The following NDUFA2 variants were observed in gnomAD, a reference collection of about 807,000 sequenced individuals.
NDUFA2 encodes NADH dehydrogenase [ubiquinone] 1 alpha subcomplex subunit 2.
In NDUFA2, 9 loss-of-function variants were observed where a neutral mutation model predicts 11.4. That is an observed-to-expected ratio of 0.79 (90% confidence interval 0.48 to 1.38). The LOEUF (loss-of-function observed/expected upper bound fraction) is 1.38. NDUFA2 is among the 40% of genes most tolerant of loss of function. The probability of loss-of-function intolerance (pLI) is 0.00; values close to 1 mark genes in which losing one functional copy is unlikely to be tolerated. For synonymous variants in NDUFA2, 49 were observed against 54.0 expected (o/e 0.91, Z 0.41); for missense variants, 150 against 131.2 (o/e 1.14, Z -0.70).
chr5:140,645,679 C>T lies in NDUFA2; in HGVS notation c.209-1G>A. Reference sequence around the variant, plus strand: ...GGGACATTCGTCTCTTGGCCAAATGCTGAAGAGAGAGAGGGAGGTGTCTTT... The same window carrying T: ...GGGACATTCGTCTCTTGGCCAAATGTTGAAGAGAGAGAGGGAGGTGTCTTT... On this transcript the variant is annotated splice_acceptor_variant, in intron 2 of 2. Coordinates refer to ENST00000252102, the MANE Select transcript of NDUFA2 (RefSeq NM_002488.5). LOFTEE classifies it high-confidence loss of function. 6.2e-7 allele frequency: 1 copy of T among 1,614,142 alleles called. No homozygotes were observed. The highest frequency in any genetic ancestry group is 1.7e-5 in the Admixed American group (1 of 60,026).
At chr5:140,646,484 A>G (rs1757407943) in intron 2 of NDUFA2, among the ~76,000 whole-genome samples, 2 of 151,576 alleles carry the variant, frequency 1.3e-5, no homozygotes, top group South Asian at 2.1e-4. Flanking sequence ...ACAGATATCT[A>G]CTCTGAGAAC....
At position 140,645,565 on chromosome 5, in the gene NDUFA2, C is replaced by T; in HGVS notation, c.*22G>A. On this transcript the variant is annotated 3_prime_UTR_variant, in exon 3 of 3. Transcript: ENST00000252102. Reference sequence around the variant, plus strand: ...CAGAGCCCAGGCTCTGGGGCTGTTGCTCTTAATCCTCAGTGGAGGCTTCAG... The same window carrying T: ...CAGAGCCCAGGCTCTGGGGCTGTTGTTCTTAATCCTCAGTGGAGGCTTCAG... 2 of 1,614,016 alleles carry T rather than the reference C, an allele frequency of 1.2e-6. No individual in the cohort carries two copies. Among genetic ancestry groups the T allele is most frequent in the Non-Finnish European group, 8.5e-7 (1 of 1,179,986 alleles).
chr5:140,647,572 G>A lies in NDUFA2; in HGVS notation c.12C>T (p.Ala4=). The A allele has an allele frequency of 2.5e-6, 4 of 1,610,418 alleles. No homozygotes were observed. The highest frequency in any genetic ancestry group is 3.4e-6 in the Non-Finnish European group (4 of 1,179,956). ...TTGCCCCGACTCCTCGACTTGCTGC[G>A]GCCGCCGCCATCCTTGTTAATATCG... MAA[A]AASRGVGAKL... is the part of the protein sequence containing the mutation. The change falls in exon 1 of 3, where the codon GCC becomes GCT. Residue 4 remains alanine (A), a synonymous_variant. Coordinates refer to ENST00000252102, the MANE Select transcript of NDUFA2 (RefSeq NM_002488.5).
In NDUFA2 at chr5:140,645,662, C is replaced by T. The variant is rs112106311; in HGVS notation, c.225G>A (p.Thr75=). ...CACTGAAGTTGTTCAAAGGGACATT[C>T]GTCTCTTGGCCAAATGCTGAAGAGA... is the stretch of plus-strand genomic sequence containing the variant. The part of the protein sequence containing the change: ...LWARYAFGQE[T]NVPLNNFSAD... Residue 75 remains threonine, a synonymous_variant, in exon 3 of 3, where the codon ACG becomes ACA. Coordinates refer to ENST00000252102, the MANE Select transcript of NDUFA2 (RefSeq NM_002488.5). 31 of 1,613,982 alleles carry T rather than the reference C, an allele frequency of 1.9e-5. No homozygotes were observed. The East Asian group carries it at 2.2e-4, about 12-fold the overall frequency.
Position 140,647,306 on chromosome 5 carries a change from A to G in NDUFA2, c.158T>C (p.Ile53Thr). The G allele has an allele frequency of 6.3e-7, 1 of 1,588,726 alleles. No homozygotes were observed. The change falls in exon 2 of 3, where the codon ATC becomes ACC. Residue 53 changes from isoleucine to threonine, a missense_variant. Transcript: ENST00000252102. ...ELKKANPDLPILIRECSDVQP... is the reference protein window; with the variant it reads ...ELKKANPDLPTLIRECSDVQP... ...CACATCGGAGCATTCGCGGATTAGG[A>G]TGGGTAGGTCGGGATTCGCCTTCTT...
At chr5:140,647,058 A>G in intron 2 of NDUFA2, 198 bp downstream of exon 2, 2 of 621,546 alleles carry the variant, frequency 3.2e-6, no homozygotes, top group South Asian at 2.5e-5. Context: ...GTCAGCCTGC[A>G]TACTTATGTT....
chr5:140,645,958 G>T (rs1757369282), intron 2 of NDUFA2, among the ~76,000 whole-genome samples: 1 of 151,786 alleles, frequency 6.6e-6, no homozygotes, highest in Non-Finnish European at 1.5e-5. Flanking sequence ...ATTAACTACG[G>T]TGAGCAATGT....
rs997157236 is a variant in NDUFA2, at chr5:140,645,333, G to A, written c.*254C>T. 36 of 733,464 alleles carry A rather than the reference G, an allele frequency of 4.9e-5. No individual in the cohort carries two copies. The highest frequency in any genetic ancestry group is 6.9e-5 in the Non-Finnish European group (29 of 420,384). The allele number at this position is 733,464 out of a possible 1,614,324, so 45.4% of individuals were successfully genotyped here. On this transcript the variant is annotated 3_prime_UTR_variant, in exon 3 of 3. Coordinates refer to ENST00000252102, the MANE Select transcript of NDUFA2 (RefSeq NM_002488.5). Reference sequence around the variant, plus strand: ...GGGGCCCTAGAATCCCTGCCCCCCCGCCACCCTTCATGTTTGCTTCAGCAG... The same window carrying A: ...GGGGCCCTAGAATCCCTGCCCCCCCACCACCCTTCATGTTTGCTTCAGCAG...
intron 2 of NDUFA2, chr5:140,647,030 G>A (rs541407002): frequency 3.9e-6 from 2 of 507,396 alleles, no homozygotes; most frequent in East Asian, 3.3e-5. Context: ...TCAGCTCCTG[G>A]TCCCTACGCA....
intron 2 of NDUFA2, among the ~76,000 whole-genome samples, chr5:140,646,584 T>C (rs2149802116): frequency 6.6e-6 from 1 of 152,256 alleles, no homozygotes; most frequent in East Asian, 1.9e-4. Context: ...AATCCTGTTA[T>C]TCAGTATGTA....
intron 2 of NDUFA2, among the ~76,000 whole-genome samples, chr5:140,646,171 C>T (rs1261644705): frequency 3.9e-5 from 6 of 152,014 alleles, no homozygotes; most frequent in Admixed American, 6.6e-5. Context: ...CCACCACACC[C>T]GGCTAATTTT....
chr5:140,647,278 C>T lies in NDUFA2; in HGVS notation c.186G>A (p.Gln62=), dbSNP rs1285249515. ...PILIRECSDV[Q]PKLWARYAFG... ...CACCGTAGCGGGCCCAGAGCTTGGGCTGCACATCGGAGCATTCGCGGATTA... is the reference window on the plus strand; with the variant it reads ...CACCGTAGCGGGCCCAGAGCTTGGGTTGCACATCGGAGCATTCGCGGATTA... The change falls in exon 2 of 3, where the codon CAG becomes CAA. Residue 62 remains glutamine (Q), a synonymous_variant. Transcript: ENST00000252102. The T allele has an allele frequency of 6.4e-7, 1 of 1,563,710 alleles. No homozygotes were observed. The highest frequency in any genetic ancestry group is 1.8e-5 in the Admixed American group (1 of 55,142).
At chr5:140,647,046 C>T (rs1178073822) in intron 2 of NDUFA2, 5 of 554,706 alleles carry the variant, frequency 9.0e-6, no homozygotes, top group Non-Finnish European at 1.2e-5. Context: ...ACGCAGGATT[C>T]GGTCAGCCTG....
At chr5:140,646,105 G>C (rs558084975) in intron 2 of NDUFA2, among the ~76,000 whole-genome samples, 1 of 151,658 alleles carries the variant, frequency 6.6e-6, no homozygotes, top group East Asian at 1.9e-4. Flanking sequence ...CCACCTCCTG[G>C]GTTCAAGCAA....
rs375081685 is a variant in NDUFA2, at chr5:140,647,245, C to T, written c.208+11G>A. 6 of 1,539,086 alleles carry T rather than the reference C, an allele frequency of 3.9e-6. No homozygotes were observed. The highest frequency in any genetic ancestry group is 4.4e-6 in the Non-Finnish European group (5 of 1,143,584). On this transcript the variant is annotated intron_variant, in intron 2 of 2. Transcript: ENST00000252102. ...TACCGGAGCCCCAGACCCCTGGCGT[C>T]CCGCACTCACCGTAGCGGGCCCAGA...
chr5:140,646,524 A>G (rs1757412113), intron 2 of NDUFA2, among the ~76,000 whole-genome samples: 1 of 151,712 alleles, frequency 6.6e-6, no homozygotes, highest in African/African-American at 2.4e-5. Flanking sequence ...ACTCTCCTCC[A>G]CCTCCTCCCG....
chr5:140,645,604 G>A lies in NDUFA2; in HGVS notation c.283C>T (p.Leu95=). The part of the protein sequence containing the change: ...DQVTRALENV[L]SGKA ...TGGAGGCTTCAGGCTTTACCACTTA[G>A]AACGTTCTCCAGGGCTCTGGTTACC... is the stretch of plus-strand genomic sequence containing the variant. The change falls in exon 3 of 3, where the codon CTA becomes TTA. Residue 95 remains leucine (L), a synonymous_variant. Transcript: ENST00000252102. The A allele has an allele frequency of 6.2e-7, 1 of 1,614,138 alleles. No homozygotes were observed. The highest frequency in any genetic ancestry group is 8.5e-7 in the Non-Finnish European group (1 of 1,180,034).
In NDUFA2 at chr5:140,645,796, T is replaced by G. The variant is rs928778036; in HGVS notation, c.209-118A>C. 3.3e-6 allele frequency: 5 copies of G among 1,507,900 alleles called. No individual in the cohort carries two copies. In the African/African-American group the frequency reaches 5.5e-5, roughly 17 times the overall value. The allele number at this position is 1,507,900 out of a possible 1,614,324, so 93.4% of individuals were successfully genotyped here. A position where few individuals can be genotyped will look rare whatever the true frequency, so the allele number is the denominator to read the frequency against. ...TAAGACAGGAAGAGTATTAAAGAGA[T>G]ATGATCAAAATACATTTGGTATGCC... On this transcript the variant is annotated intron_variant, in intron 2 of 2. Coordinates refer to ENST00000252102, the MANE Select transcript of NDUFA2 (RefSeq NM_002488.5).
At position 140,645,581 on chromosome 5, in the gene NDUFA2, G is replaced by C. The variant is rs200966132; in HGVS notation, c.*6C>G. On this transcript the variant is annotated 3_prime_UTR_variant, in exon 3 of 3. Coordinates refer to ENST00000252102, the MANE Select transcript of NDUFA2 (RefSeq NM_002488.5). ...GGGCTGTTGCTCTTAATCCTCAGTG[G>C]AGGCTTCAGGCTTTACCACTTAGAA... 2 of 1,614,122 alleles carry C rather than the reference G, an allele frequency of 1.2e-6. No individual in the cohort carries two copies. Among genetic ancestry groups the C allele is most frequent in the Non-Finnish European group, 8.5e-7 (1 of 1,180,026 alleles).
Sources: allele counts gnomAD v4.1 joint callset (sites outside exome capture counted in the v4.1 genomes callset), GRCh38; gene constraint gnomAD v4.1.1; transcripts MANE v1.5; gene names NCBI Gene and HGNC (gene_info 2026-07-23, HGNC 2026-07-21).